Variants in ARHGAP15 observed in about 807,000 individuals in gnomAD.
ARHGAP15 encodes rho GTPase-activating protein 15.
ARHGAP15 carries 51 observed loss-of-function variants against 63.7 expected under a neutral mutation model. The observed-to-expected ratio is 0.80, with a 90% confidence interval of 0.64 to 1.01. The LOEUF (loss-of-function observed/expected upper bound fraction) is 1.01, where lower values mean the gene tolerates loss of function less well. ARHGAP15 is among the 50% of genes least tolerant of loss of function. The pLI, the probability that ARHGAP15 is intolerant of heterozygous loss-of-function variation, is 0.00. For missense variants in ARHGAP15, 560 were observed against 564.6 expected (o/e 0.99, Z 0.08); for synonymous variants, 191 against 193.8 (o/e 0.99, Z 0.12).
At chr2:143,199,906 G>A (rs1574081365) in intron 2 of ARHGAP15, among the ~76,000 whole-genome samples, 1 of 152,068 alleles carries the variant, frequency 6.6e-6, no homozygotes, top group Admixed American at 6.6e-5. Context: ...TACGGGAGGG[G>A]TGGGGAGACA....
chr2:143,502,042 G>C (rs1390462191), intron 9 of ARHGAP15, among the ~76,000 whole-genome samples: 1 of 152,146 alleles, frequency 6.6e-6, no homozygotes, highest in Non-Finnish European at 1.5e-5. Context: ...AAGGTAGAAA[G>C]TAAACAGTCC....
At chr2:143,374,478 G>T (rs1686716090) in intron 6 of ARHGAP15, among the ~76,000 whole-genome samples, 1 of 151,862 alleles carries the variant, frequency 6.6e-6, no homozygotes, top group Non-Finnish European at 1.5e-5. Flanking sequence ...TCCACCCTAT[G>T]ACCATAGTAG....
chr2:143,508,733 G>C (rs4662335), intron 9 of ARHGAP15, among the ~76,000 whole-genome samples: 20 of 2,546 alleles, frequency 7.9e-3, no homozygotes, highest in Non-Finnish European at 0.014. Flanking sequence ...CATGCGCACA[G>C]TGTCCCATTT....
At chr2:143,203,658 G>A (rs1488834136) in intron 3 of ARHGAP15, among the ~76,000 whole-genome samples, 2 of 151,992 alleles carry the variant, frequency 1.3e-5, no homozygotes, top group African/African-American at 2.4e-5. Context: ...TTCCTCACAT[G>A]ACTACCAGTA....
intron 8 of ARHGAP15, among the ~76,000 whole-genome samples, chr2:143,472,470 T>C (rs1691625439): frequency 6.6e-6 from 1 of 152,184 alleles, no homozygotes; most frequent in Non-Finnish European, 1.5e-5. Context: ...TTCCTAGGGC[T>C]CTTCCTATTC....
intron 10 of ARHGAP15, among the ~76,000 whole-genome samples, chr2:143,520,345 T>C (rs1017647145): frequency 6.6e-6 from 1 of 152,190 alleles, no homozygotes; most frequent in African/African-American, 2.4e-5. Flanking sequence ...GGTCTGCAAT[T>C]TCTAACTCCT....
intron 6 of ARHGAP15, among the ~76,000 whole-genome samples, chr2:143,318,816 A>G (rs1033853431): frequency 6.6e-6 from 1 of 152,156 alleles, no homozygotes; most frequent in Non-Finnish European, 1.5e-5. Context: ...CTAGAAAAGT[A>G]TCTTGACAAC....
intron 12 of ARHGAP15, among the ~76,000 whole-genome samples, chr2:143,624,884 A>G (rs1698776214): frequency 1.4e-5 from 2 of 142,664 alleles, no homozygotes; most frequent in Admixed American, 1.5e-4. Flanking sequence ...TGTACACTCC[A>G]TGAAGCTTCC....
At chr2:143,595,108 T>A (rs1697462108) in intron 11 of ARHGAP15, among the ~76,000 whole-genome samples, 1 of 152,146 alleles carries the variant, frequency 6.6e-6, no homozygotes, top group South Asian at 2.1e-4. Context: ...GAGATGGTCC[T>A]TCTGTTTAAC....
intron 12 of ARHGAP15, among the ~76,000 whole-genome samples, chr2:143,646,966 C>T (rs959448719): frequency 2.0e-5 from 3 of 151,890 alleles, no homozygotes; most frequent in Non-Finnish European, 4.4e-5. Context: ...TCTTTTCACC[C>T]ACATACTCTT....
At chr2:143,189,891 A>G (rs1407247536) in intron 2 of ARHGAP15, among the ~76,000 whole-genome samples, 1 of 152,040 alleles carries the variant, frequency 6.6e-6, no homozygotes, top group Non-Finnish European at 1.5e-5. Context: ...ACTCTCATTT[A>G]TTATTTCTGT....
At chr2:143,289,792 C>G (rs1469179894) in intron 6 of ARHGAP15, among the ~76,000 whole-genome samples, 1 of 152,028 alleles carries the variant, frequency 6.6e-6, no homozygotes, top group Non-Finnish European at 1.5e-5. Context: ...TTCACATAGT[C>G]TAAGGTAAGG....
intron 12 of ARHGAP15, among the ~76,000 whole-genome samples, chr2:143,689,658 A>C (rs774389119): frequency 1.3e-5 from 2 of 152,196 alleles, no homozygotes; most frequent in South Asian, 2.1e-4. Context: ...TTAAGGCACT[A>C]GTATCCTGAC....
chr2:143,463,752 A>G (rs1248833237), intron 8 of ARHGAP15, among the ~76,000 whole-genome samples: 1 of 152,172 alleles, frequency 6.6e-6, no homozygotes, highest in Non-Finnish European at 1.5e-5. Context: ...TGATTAACTT[A>G]AAGTCTGATT....
intron 8 of ARHGAP15, among the ~76,000 whole-genome samples, chr2:143,438,386 G>T (rs1689711929): frequency 6.6e-6 from 1 of 152,084 alleles, no homozygotes; most frequent in African/African-American, 2.4e-5. Context: ...ATACACATAT[G>T]ATAGGGAAGA....
chr2:143,614,157 C>T (rs755048361), intron 11 of ARHGAP15, among the ~76,000 whole-genome samples: 10 of 152,162 alleles, frequency 6.6e-5, no homozygotes, highest in Admixed American at 1.3e-4. Context: ...GACTGCTCAT[C>T]GTTTAAGATC....
rs375789253 is a variant in ARHGAP15 at position 143,326,352 on chromosome 2, A to G, written c.474+75752A>G. ...TTTACTCCTTTTGTTCTAAGTGACA[A>G]AATGGAAGTTCAGAGAGTTCAAATA... On this transcript the variant is annotated intron_variant, in intron 6 of 13. Coordinates refer to ENST00000295095, the MANE Select transcript of ARHGAP15 (RefSeq NM_018460.4). Among the ~76,000 whole-genome samples, 5 of 152,326 alleles carry G rather than the reference A, an allele frequency of 3.3e-5. No homozygotes were observed. In the South Asian group the frequency reaches 6.2e-4, roughly 19 times the overall value.
intron 12 of ARHGAP15, among the ~76,000 whole-genome samples, chr2:143,677,944 A>G (rs765187990): frequency 3.8e-4 from 58 of 152,356 alleles, no homozygotes; most frequent in Non-Finnish European, 8.1e-4. Flanking sequence ...GCGGTAGCTC[A>G]TGCCTGTAAT....
chr2:143,402,578 AG>A (rs1049207444), intron 6 of ARHGAP15, among the ~76,000 whole-genome samples: 6 of 8,098 alleles, frequency 7.4e-4, no homozygotes, highest in African/African-American at 1.9e-3. Flanking sequence ...CTAAATTGGA[AG>A]GGGGGGTGGG....
Sources: gnomAD v4.1 joint callset for allele counts (sites outside exome capture counted in the v4.1 genomes callset) on GRCh38, gnomAD v4.1.1 for gene constraint, MANE v1.5 for transcripts, NCBI Gene and HGNC (gene_info 2026-07-23, HGNC 2026-07-21) for gene names.